The following ARMH1 variants were observed in gnomAD, a reference collection of about 807,000 sequenced individuals.
ARMH1 encodes the protein armadillo like helical domain containing 1.
In ARMH1, 34 loss-of-function variants were observed where a neutral mutation model predicts 50.2. That is an observed-to-expected ratio of 0.68 (90% CI 0.51 to 0.90). The LOEUF (loss-of-function observed/expected upper bound fraction) is 0.90. Ranked by LOEUF, ARMH1 falls within the 40% of genes least tolerant of loss-of-function variation. The probability of loss-of-function intolerance (pLI) is 0.00; values close to 1 mark genes in which losing one functional copy is unlikely to be tolerated. For synonymous variants in ARMH1, 221 were observed against 224.2 expected (o/e 0.99, Z 0.13); for missense variants, 538 against 553.9 (o/e 0.97, Z 0.29).
At chr1:44,697,235 C>A in intron 3 of ARMH1, 65 bp downstream of exon 3, 5 of 1,266,768 alleles carry the variant, frequency 3.9e-6, no homozygotes, top group Non-Finnish European at 5.6e-6. Flanking sequence ...ATGTCTTTGG[C>A]ATTCACACCA....
At chr1:44,686,721 G>A (rs1467199997) in intron 1 of ARMH1, among the ~76,000 whole-genome samples, 1 of 151,920 alleles carries the variant, frequency 6.6e-6, no homozygotes, top group Non-Finnish European at 1.5e-5. Flanking sequence ...TAACTCTAAA[G>A]TATGGGAAAT....
In ARMH1 at chr1:44,681,718, T is replaced by C. The variant is rs2148574540; in HGVS notation, c.-23+6845T>C. Among the ~76,000 whole-genome samples, 1 of 152,302 alleles carries C rather than the reference T, an allele frequency of 6.6e-6. No individual in the cohort carries two copies. Among genetic ancestry groups the C allele is most frequent in the South Asian group, 2.1e-4 (1 of 4,824 alleles). On this transcript the variant is annotated intron_variant, in intron 1 of 11. Transcript: ENST00000535358. This position sits in a 1 kb window ranked among gnomAD's most constrained non-coding sequence, Gnocchi z 4.3. ...GGAGTATGACGACATTCTTACCTAA[T>C]GGCCTATAACTTTCTTTGTTAAACC...
At chr1:44,711,776 T>G (rs965606510) in intron 6 of ARMH1, among the ~76,000 whole-genome samples, 1 of 152,190 alleles carries the variant, frequency 6.6e-6, no homozygotes, top group Non-Finnish European at 1.5e-5. Context: ...ATACTAATGG[T>G]AATGTTAACT....
intron 6 of ARMH1, among the ~76,000 whole-genome samples, chr1:44,712,773 C>T (rs967527896): frequency 2.0e-5 from 3 of 150,422 alleles, no homozygotes; most frequent in African/African-American, 7.3e-5. Context: ...AAGCGATTCT[C>T]CTGCCTCAGC....
intron 3 of ARMH1, among the ~76,000 whole-genome samples, chr1:44,697,661 A>G (rs1645872625): frequency 6.6e-6 from 1 of 152,128 alleles, no homozygotes; most frequent in Non-Finnish European, 1.5e-5. Context: ...CTTCCCAAGA[A>G]AGTCCCAGGC....
At chr1:44,700,121 C>T (rs1057361212) in intron 4 of ARMH1, among the ~76,000 whole-genome samples, 2 of 152,092 alleles carry the variant, frequency 1.3e-5, no homozygotes, top group African/African-American at 4.8e-5. Flanking sequence ...TGAGCCACAA[C>T]GCCTGACGAA....
intron 6 of ARMH1, among the ~76,000 whole-genome samples, chr1:44,719,155 A>G (rs1338082696): frequency 1.3e-5 from 2 of 152,088 alleles, no homozygotes; most frequent in Non-Finnish European, 2.9e-5. Flanking sequence ...TGGAAGGGGT[A>G]GCACAGGATG....
At chr1:44,680,829 C>G (rs1645284004) in intron 1 of ARMH1, among the ~76,000 whole-genome samples, 1 of 152,074 alleles carries the variant, frequency 6.6e-6, no homozygotes, top group Admixed American at 6.5e-5. Context: ...CTTGATTCCT[C>G]CCCGTCTTTT....
chr1:44,720,644 G>C (rs903348025), intron 6 of ARMH1, among the ~76,000 whole-genome samples: 1 of 152,180 alleles, frequency 6.6e-6, no homozygotes, highest in Non-Finnish European at 1.5e-5. Flanking sequence ...CTACTCCTGA[G>C]TGAAGAGTGA....
At chr1:44,722,467 C>T (rs542124704) in intron 6 of ARMH1, among the ~76,000 whole-genome samples, 2 of 151,194 alleles carry the variant, frequency 1.3e-5, no homozygotes, top group Admixed American at 6.6e-5. Flanking sequence ...TTTGGGAGGC[C>T]GAGGCAGGAG....
intron 6 of ARMH1, among the ~76,000 whole-genome samples, chr1:44,719,928 C>T (rs1421071921): frequency 1.3e-5 from 2 of 151,984 alleles, no homozygotes; most frequent in Admixed American, 6.6e-5. Context: ...GGTGCAGTGG[C>T]TCACGCCTGT....
At chr1:44,684,429 C>T (rs1645404235) in intron 1 of ARMH1, 1 of 152,136 alleles carries the variant, frequency 6.6e-6, no homozygotes, top group Non-Finnish European at 1.5e-5. Flanking sequence ...AAAAAGCATT[C>T]AGTCACAAAA....
rs531996657 is a variant in ARMH1 at position 44,683,596 on chromosome 1, C to T, written c.-22-6080C>T. On this transcript the variant is annotated intron_variant, in intron 1 of 11. Coordinates refer to ENST00000535358, the MANE Select transcript of ARMH1 (RefSeq NM_001145636.2). The surrounding 1 kb of genome is among the most constrained non-coding windows in gnomAD (Gnocchi z 4.2). Reference sequence around the variant, plus strand: ...CACAATCCATCAGAGAGACCAAGCACGCTGGGACGGTGAGCTAAACCACTA... The same window carrying T: ...CACAATCCATCAGAGAGACCAAGCATGCTGGGACGGTGAGCTAAACCACTA... Among the ~76,000 whole-genome samples, 10 of 152,312 alleles carry T rather than the reference C, an allele frequency of 6.6e-5. No homozygotes were observed. Among genetic ancestry groups the T allele is most frequent in the African/African-American group, 1.4e-4 (6 of 41,576 alleles).
rs71036693 is a variant in ARMH1, at chr1:44,722,903, CAA to C, written c.725-1199_725-1198del. 2.9e-3 allele frequency among the ~76,000 whole-genome samples: 245 copies of C among 85,960 alleles called. 2 individuals are homozygous for C. Among genetic ancestry groups the C allele is most frequent in the African/African-American group, 1.0e-2 (223 of 22,356 alleles). The allele number at this position is 85,960 out of a possible 152,430, so 56.4% of individuals were successfully genotyped here. A position where few individuals can be genotyped will look rare whatever the true frequency, so the allele number is the denominator to read the frequency against. On this transcript the variant is annotated intron_variant, in intron 6 of 11. Coordinates refer to ENST00000535358, the MANE Select transcript of ARMH1 (RefSeq NM_001145636.2). ...TGAAACCCCATCTCTACTAAAAATA[CAA>C]AAAAAAAAAAAAAAAAAAATTAGCC... is the stretch of plus-strand genomic sequence containing the variant.
chr1:44,700,595 AACAG>A (rs1234465758), intron 4 of ARMH1, among the ~76,000 whole-genome samples: 2 of 150,150 alleles, frequency 1.3e-5, no homozygotes, highest in Non-Finnish European at 3.0e-5. Context: ...CAGCCTGGGC[AACAG>A]ACAGAGACTC....
chr1:44,723,748 C>T lies in ARMH1; in HGVS notation c.725-374C>T, dbSNP rs1490504904. On this transcript the variant is annotated intron_variant, in intron 6 of 11. Coordinates refer to ENST00000535358, the MANE Select transcript of ARMH1 (RefSeq NM_001145636.2). Reference sequence around the variant, plus strand: ...TTTCCTGCCACAAGTCTCCCACCCACTTTCTCTGTCTCCCTCTCACCCCTT... The same window carrying T: ...TTTCCTGCCACAAGTCTCCCACCCATTTTCTCTGTCTCCCTCTCACCCCTT... 5.9e-5 allele frequency: 11 copies of T among 185,812 alleles called. No homozygotes were observed. The Admixed American group carries it at 6.8e-4, about 11-fold the overall frequency. The allele number at this position is 185,812 out of a possible 1,614,324, so 11.5% of individuals were successfully genotyped here.
chr1:44,704,355 G>A (rs1646240147), intron 6 of ARMH1, among the ~76,000 whole-genome samples, 182 bp downstream of exon 6: 1 of 152,178 alleles, frequency 6.6e-6, no homozygotes, highest in Admixed American at 6.6e-5. Flanking sequence ...AGGGTGCCTA[G>A]GGTGCCTGAA....
At position 44,724,587 on chromosome 1, in the gene ARMH1, G is replaced by T; in HGVS notation, c.969G>T (p.Leu323=). Residue 323 remains leucine, a synonymous_variant, in exon 9 of 12, where the codon CTG becomes CTT. Transcript: ENST00000535358. This position sits in a 1 kb window ranked among gnomAD's most constrained non-coding sequence, Gnocchi z 6.4. ...GCATCGCCGAGGAGCTGCTGTACCT[G>T]CGCGTGGTGCGTGGCCTAATGGCCG... ...DMSIAEELLY[L]RVVRGLMAAM... 1 of 1,518,544 alleles carries T rather than the reference G, an allele frequency of 6.6e-7. No individual in the cohort carries two copies. 94.1% of individuals were successfully genotyped at this position (1,518,544 alleles called of 1,614,324 possible). A position where few individuals can be genotyped will look rare whatever the true frequency, so the allele number is the denominator to read the frequency against.
chr1:44,687,036 G>A (rs1645494903), intron 1 of ARMH1, among the ~76,000 whole-genome samples: 2 of 151,806 alleles, frequency 1.3e-5, no homozygotes, highest in South Asian at 2.1e-4. Flanking sequence ...TTGATACATC[G>A]AATGATAGCA....
Sources: allele counts gnomAD v4.1 joint callset (sites outside exome capture counted in the v4.1 genomes callset), GRCh38; gene constraint gnomAD v4.1.1; non-coding constraint Gnocchi (gnomAD v3.1); transcripts MANE v1.5; gene names NCBI Gene and HGNC (gene_info 2026-07-23, HGNC 2026-07-21).